Variants in PPP4R2 observed in about 807,000 individuals in gnomAD.
PPP4R2 encodes protein phosphatase 4 regulatory subunit 2.
PPP4R2 carries 13 observed loss-of-function variants against 47.2 expected under a neutral mutation model. The ratio of observed to expected loss-of-function variants is 0.28; its 90% CI spans 0.18 to 0.44. The LOEUF is 0.44. Ranked by LOEUF, PPP4R2 falls within the 20% of genes least tolerant of loss-of-function variation. PPP4R2 has a pLI of 1.00. For synonymous variants in PPP4R2, 151 were observed against 163.3 expected (o/e 0.92, Z 0.57); for missense variants, 421 against 491.2 (o/e 0.86, Z 1.35).
chr3:73,004,337 G>A (rs9871570), intron 2 of PPP4R2, among the ~76,000 whole-genome samples: 58,647 of 152,046 alleles, frequency 0.39, 11,724 homozygotes, highest in African/African-American at 0.44. Context: ...CACCGTGCCT[G>A]GCATGTGCCC....
chr3:73,012,018 T>A (rs1164549499), intron 2 of PPP4R2, among the ~76,000 whole-genome samples: 1 of 152,092 alleles, frequency 6.6e-6, no homozygotes, highest in African/African-American at 2.4e-5. Context: ...GAGAGTGAGG[T>A]AGCTTTCTAT....
At chr3:73,036,293 G>A (rs1442436018) in intron 2 of PPP4R2, among the ~76,000 whole-genome samples, 1 of 152,144 alleles carries the variant, frequency 6.6e-6, no homozygotes, top group East Asian at 1.9e-4. Context: ...GGGTACAAAA[G>A]TACAGTCAGA....
chr3:73,000,378 T>TTATA (rs1479424759), intron 2 of PPP4R2, among the ~76,000 whole-genome samples: 1 of 152,162 alleles, frequency 6.6e-6, no homozygotes. Flanking sequence ...CACTGATGCA[T>TTATA]TATAGCAAGA....
chr3:73,039,389 C>T (rs1023962136), intron 2 of PPP4R2, among the ~76,000 whole-genome samples: 6 of 152,184 alleles, frequency 3.9e-5, no homozygotes, highest in Non-Finnish European at 8.8e-5. Context: ...TCCCAAAGTG[C>T]AGGGATTACA....
intron 2 of PPP4R2, among the ~76,000 whole-genome samples, chr3:73,018,407 C>CGTTATGTTAT (rs11282207): frequency 0.3 from 28,644 of 95,988 alleles, 4,114 homozygotes; most frequent in Middle Eastern, 0.35. Flanking sequence ...CTGTCATAGT[C>CGTTATGTTAT]GTTATGTTAT....
chr3:73,063,804 C>T (rs535145933), intron 6 of PPP4R2, 57 bp downstream of exon 6: 5 of 1,270,032 alleles, frequency 3.9e-6, no homozygotes, highest in African/African-American at 3.0e-5. Context: ...TTTTGAGTAG[C>T]AGGCTTAGTG....
intron 2 of PPP4R2, among the ~76,000 whole-genome samples, chr3:73,020,644 T>G (rs1170583396): frequency 7.2e-6 from 1 of 139,172 alleles, no homozygotes; most frequent in South Asian, 2.4e-4. Context: ...CACTCCAGCC[T>G]GGGCCACAGA....
intron 2 of PPP4R2, among the ~76,000 whole-genome samples, chr3:72,999,521 C>CA (rs1161023014): frequency 1.3e-5 from 2 of 152,194 alleles, no homozygotes; most frequent in Non-Finnish European, 2.9e-5. Context: ...AAGATGATAT[C>CA]AAACTATTTG....
intron 2 of PPP4R2, among the ~76,000 whole-genome samples, chr3:73,033,387 T>C (rs1409823388): frequency 6.6e-6 from 1 of 152,214 alleles, no homozygotes; most frequent in African/African-American, 2.4e-5. Context: ...TTACACAGTT[T>C]TACTGCAGTG....
At chr3:73,059,313 G>A (rs895579045) in intron 4 of PPP4R2, among the ~76,000 whole-genome samples, 183 bp downstream of exon 4, 3 of 152,146 alleles carry the variant, frequency 2.0e-5, no homozygotes, top group African/African-American at 7.2e-5. Context: ...AATAGGACCG[G>A]GTAGAGGAGG....
intron 2 of PPP4R2, among the ~76,000 whole-genome samples, chr3:73,036,744 C>T (rs1702268762): frequency 6.6e-6 from 1 of 152,066 alleles, no homozygotes; most frequent in African/African-American, 2.4e-5. Context: ...ATAATTATTA[C>T]TTACGTGATT....
chr3:73,022,330 T>C (rs1342094381), intron 2 of PPP4R2, among the ~76,000 whole-genome samples: 3 of 139,270 alleles, frequency 2.2e-5, no homozygotes, highest in Non-Finnish European at 5.1e-5. Flanking sequence ...TTTTTTTCAG[T>C]TGATTTTTAA....
chr3:73,026,835 C>G (rs1366093597), intron 2 of PPP4R2, among the ~76,000 whole-genome samples: 5 of 152,218 alleles, frequency 3.3e-5, no homozygotes, highest in Non-Finnish European at 2.9e-5. Flanking sequence ...CTATACTGTT[C>G]CTGTAACTAG....
chr3:73,010,898 T>C (rs1205311307), intron 2 of PPP4R2, among the ~76,000 whole-genome samples: 1 of 152,216 alleles, frequency 6.6e-6, no homozygotes, highest in Non-Finnish European at 1.5e-5. Context: ...TCAGACATTA[T>C]CAAATATTTC....
intron 5 of PPP4R2, 179 bp downstream of exon 5, chr3:73,061,239 A>G (rs761102350): frequency 3.1e-6 from 1 of 318,354 alleles, no homozygotes. Flanking sequence ...CATTATCTAT[A>G]TGTTTTTTCC....
chr3:73,007,449 T>G (rs1358891522), intron 2 of PPP4R2, among the ~76,000 whole-genome samples: 4 of 150,442 alleles, frequency 2.7e-5, no homozygotes, highest in Non-Finnish European at 4.4e-5. Context: ...TCTTTTATCT[T>G]TTTCTTTTCT....
chr3:73,022,389 A>G (rs1701978390), intron 2 of PPP4R2, among the ~76,000 whole-genome samples: 1 of 152,208 alleles, frequency 6.6e-6, no homozygotes, highest in South Asian at 2.1e-4. Context: ...TAGAAGGTCA[A>G]CAAACAATTA....
chr3:73,046,644 C>A (rs927890516), intron 2 of PPP4R2, among the ~76,000 whole-genome samples: 1 of 151,940 alleles, frequency 6.6e-6, no homozygotes, highest in Non-Finnish European at 1.5e-5. Context: ...GTGCCTTAAT[C>A]ATAGGTACAT....
chr3:73,036,459 C>G (rs1372470808), intron 2 of PPP4R2, among the ~76,000 whole-genome samples: 1 of 152,194 alleles, frequency 6.6e-6, no homozygotes, highest in Admixed American at 6.5e-5. Context: ...TTGACCAATA[C>G]ACGTTGCAAA....
Sources: gnomAD v4.1 joint callset for allele counts (sites outside exome capture counted in the v4.1 genomes callset) on GRCh38, gnomAD v4.1.1 for gene constraint, MANE v1.5 for transcripts, NCBI Gene and HGNC (gene_info 2026-07-23, HGNC 2026-07-21) for gene names.